Variants in SEPTIN9 observed in about 807,000 individuals in gnomAD.
SEPTIN9 encodes septin 9.
In SEPTIN9, 13 loss-of-function variants were observed where a neutral mutation model predicts 56.6. The observed-to-expected ratio is 0.23, with a 90% confidence interval of 0.15 to 0.37. SEPTIN9 has a LOEUF of 0.37. SEPTIN9 is among the 10% of genes least tolerant of loss of function. SEPTIN9 has a pLI of 1.00. For missense variants in SEPTIN9, 650 were observed against 823.1 expected, an observed-to-expected ratio of 0.79 and a Z score of 2.57; for synonymous variants, 332 against 334.1, an observed-to-expected ratio of 0.99 and a Z score of 0.07.
At chr17:77,480,093 G>A (rs1192018783) in intron 3 of SEPTIN9, among the ~76,000 whole-genome samples, 2 of 152,180 alleles carry the variant, frequency 1.3e-5, no homozygotes, top group Admixed American at 1.3e-4. Flanking sequence ...TGGGGGCACA[G>A]AGAGAGGAGC....
chr17:77,342,855 T>C (rs2033775628), intron 2 of SEPTIN9, among the ~76,000 whole-genome samples: 1 of 152,068 alleles, frequency 6.6e-6, no homozygotes, highest in Non-Finnish European at 1.5e-5. Context: ...GTGCCTGCGG[T>C]TCCAGCTACT....
intron 3 of SEPTIN9, among the ~76,000 whole-genome samples, chr17:77,419,627 G>A (rs146374555): frequency 1.4e-3 from 208 of 152,280 alleles, no homozygotes; most frequent in African/African-American, 4.8e-3. Flanking sequence ...TCTCTCTCCC[G>A]GTCCCTCCCC....
intron 3 of SEPTIN9, among the ~76,000 whole-genome samples, chr17:77,424,418 A>G (rs998139285): frequency 6.6e-6 from 1 of 152,172 alleles, no homozygotes; most frequent in African/African-American, 2.4e-5. Flanking sequence ...CAGCTGTTCC[A>G]TTATATGTTG....
At chr17:77,383,694 G>A (rs2035229541) in intron 2 of SEPTIN9, among the ~76,000 whole-genome samples, 2 of 152,252 alleles carry the variant, frequency 1.3e-5, no homozygotes, top group African/African-American at 4.8e-5. Context: ...GTGGCTGGGA[G>A]GCGTGGGAGA....
intron 3 of SEPTIN9, among the ~76,000 whole-genome samples, chr17:77,404,040 C>T (rs2035985944): frequency 6.6e-6 from 1 of 152,128 alleles, no homozygotes; most frequent in Non-Finnish European, 1.5e-5. Flanking sequence ...CAATAACTGC[C>T]CATTTTGTGT....
intron 2 of SEPTIN9, among the ~76,000 whole-genome samples, chr17:77,335,023 C>T (rs532051739): frequency 2.6e-5 from 4 of 151,830 alleles, no homozygotes; most frequent in Admixed American, 1.3e-4. Context: ...AGTATATGTA[C>T]GTATATACAT....
rs542929416 is a variant in SEPTIN9, at chr17:77,327,390, C to T, written c.76+20193C>T. 6.6e-6 allele frequency among the ~76,000 whole-genome samples: 1 copy of T among 152,316 alleles called. No individual in the cohort carries two copies. Among genetic ancestry groups the T allele is most frequent in the African/African-American group, 2.4e-5 (1 of 41,580 alleles). ...GCTCGCTGTGTGCCCCCGCCTGGCC[C>T]CATGCATCCCGCACGGTGCTCCCCA... On this transcript the variant is annotated intron_variant, in intron 2 of 11. Coordinates refer to ENST00000427177, the MANE Select transcript of SEPTIN9 (RefSeq NM_001113491.2). This position sits in a 1 kb window ranked among gnomAD's most constrained non-coding sequence, Gnocchi z 5.0.
chr17:77,370,524 T>G (rs2034687032), intron 2 of SEPTIN9, among the ~76,000 whole-genome samples: 1 of 152,138 alleles, frequency 6.6e-6, no homozygotes, highest in Admixed American at 6.5e-5. Flanking sequence ...ATCTTTGTTT[T>G]GGGGGGGATC....
At chr17:77,361,586 A>G (rs2034418644) in intron 2 of SEPTIN9, among the ~76,000 whole-genome samples, 1 of 151,792 alleles carries the variant, frequency 6.6e-6, no homozygotes, top group Admixed American at 6.6e-5. Flanking sequence ...TTTTCTGGAT[A>G]AATGTTCTAG....
chr17:77,373,230 C>G, intron 2 of SEPTIN9: 2 of 1,117,000 alleles, frequency 1.8e-6, no homozygotes, highest in Non-Finnish European at 2.2e-6. Context: ...GCAGCCAGTG[C>G]GAGACAGGGA....
intron 1 of SEPTIN9, among the ~76,000 whole-genome samples, chr17:77,290,751 C>G (rs1022651982): frequency 6.7e-6 from 1 of 150,302 alleles, no homozygotes; most frequent in Non-Finnish European, 1.5e-5. Context: ...GAAGGCGGAG[C>G]TTGCAGTGAG....
At position 77,425,208 on chromosome 17, in the gene SEPTIN9, G is replaced by A. The variant is rs1330285546; in HGVS notation, c.721+22505G>A. Among the ~76,000 whole-genome samples, 1 of 152,192 alleles carries A rather than the reference G, an allele frequency of 6.6e-6. No individual in the cohort carries two copies. The highest frequency in any genetic ancestry group is 1.5e-5 in the Non-Finnish European group (1 of 68,026). ...GATGGGCCCAGCTGTGGGAGGTCGT[G>A]CGGGCTGGGGACTGAGAGTGCCGGA... On this transcript the variant is annotated intron_variant, in intron 3 of 11. Transcript: ENST00000427177. The surrounding 1 kb of genome is among the most constrained non-coding windows in gnomAD (Gnocchi z 4.2).
chr17:77,474,191 C>T (rs1324591492), intron 3 of SEPTIN9, among the ~76,000 whole-genome samples: 4 of 152,190 alleles, frequency 2.6e-5, no homozygotes, highest in Non-Finnish European at 5.9e-5. Flanking sequence ...TTGGTGTCTG[C>T]TGGGTAGATC....
intron 1 of SEPTIN9, among the ~76,000 whole-genome samples, chr17:77,293,978 C>A (rs949074600): frequency 1.3e-5 from 2 of 152,028 alleles, no homozygotes; most frequent in Non-Finnish European, 2.9e-5. Context: ...GTGGCATACA[C>A]CTGTAGTCCC....
rs183805962 is a variant in SEPTIN9 at position 77,481,520 on chromosome 17, A to T, written c.722-624A>T. Among the ~76,000 whole-genome samples the T allele has an allele frequency of 1.1e-4, 16 of 150,784 alleles. 1 individual carries two copies. In the East Asian group the frequency reaches 2.5e-3, roughly 24 times the overall value. ...TCTATGGGATTGAACACACAACTCC[A>T]TGGGGACCGACGCTGGTTCTATCCC... is the stretch of plus-strand genomic sequence containing the variant. On this transcript the variant is annotated intron_variant, in intron 3 of 11. Transcript: ENST00000427177.
intron 3 of SEPTIN9, among the ~76,000 whole-genome samples, chr17:77,478,238 T>A (rs907170548): frequency 2.0e-5 from 3 of 152,130 alleles, no homozygotes; most frequent in Admixed American, 1.3e-4. Flanking sequence ...CTATTTAAAT[T>A]TAAATAAAAA....
rs987554385 is a variant in SEPTIN9 at position 77,411,275 on chromosome 17, A to G, written c.721+8572A>G. Reference sequence around the variant, plus strand: ...ATTCAGGGCTTGTGTAAAAAAAGTCAATGTGTAAATATAGACTTTTCAAGA... The same window carrying G: ...ATTCAGGGCTTGTGTAAAAAAAGTCGATGTGTAAATATAGACTTTTCAAGA... On this transcript the variant is annotated intron_variant, in intron 3 of 11. Transcript: ENST00000427177. Among the ~76,000 whole-genome samples the G allele has an allele frequency of 3.3e-5, 5 of 152,216 alleles. No homozygotes were observed. In the East Asian group the frequency reaches 9.6e-4, roughly 29 times the overall value.
intron 2 of SEPTIN9, among the ~76,000 whole-genome samples, chr17:77,401,465 G>T (rs942389192): frequency 2.0e-5 from 3 of 152,146 alleles, no homozygotes; most frequent in African/African-American, 7.2e-5. Flanking sequence ...GGAAATCAAG[G>T]CCGGGCACGG....
At chr17:77,289,669 A>G (rs2143505906) in intron 1 of SEPTIN9, among the ~76,000 whole-genome samples, 1 of 152,270 alleles carries the variant, frequency 6.6e-6, no homozygotes, top group South Asian at 2.1e-4. Context: ...TGGCCTCCCA[A>G]AGTGCTGGGA....
Sources: allele counts gnomAD v4.1 joint callset (sites outside exome capture counted in the v4.1 genomes callset), GRCh38; gene constraint gnomAD v4.1.1; non-coding constraint Gnocchi (gnomAD v3.1); transcripts MANE v1.5; gene names NCBI Gene and HGNC (gene_info 2026-07-23, HGNC 2026-07-21).